DIP2A: variants seen among roughly 807,000 people sequenced by gnomAD.
The protein encoded by DIP2A is DIP2 acetate--CoA ligase A, also known as disco-interacting protein 2 homolog A.
In DIP2A, 85 loss-of-function variants were observed where a neutral mutation model predicts 177.4. The ratio of observed to expected loss-of-function variants is 0.48; its 90% CI spans 0.40 to 0.57. The LOEUF (loss-of-function observed/expected upper bound fraction) is 0.57. Among genes scored for constraint, DIP2A ranks in the 20% least tolerant of loss-of-function variants. The probability of loss-of-function intolerance (pLI) is 0.00; values close to 1 mark genes in which losing one functional copy is unlikely to be tolerated. For synonymous variants in DIP2A, 886 were observed against 881.8 expected (o/e 1.00, Z -0.08); for missense variants, 1,791 against 2,100.2 (o/e 0.85, Z 2.88).
chr21:46,515,113 G>T (rs998867084), intron 8 of DIP2A, among the ~76,000 whole-genome samples: 1 of 152,190 alleles, frequency 6.6e-6, no homozygotes, highest in African/African-American at 2.4e-5. Flanking sequence ...TAAGAAAGGA[G>T]CCCATTGCCA....
At chr21:46,461,904 A>AG (rs1365404140) in intron 1 of DIP2A, among the ~76,000 whole-genome samples, 3 of 151,598 alleles carry the variant, frequency 2.0e-5, no homozygotes, top group Admixed American at 6.6e-5. Context: ...TTCCAAAAAA[A>AG]AAAAAAAATT....
chr21:46,555,486 G>T (rs1273579176), intron 28 of DIP2A: 1 of 196,310 alleles, frequency 5.1e-6, no homozygotes, highest in African/African-American at 2.4e-5. Context: ...TCACGGGCTT[G>T]CCTCAAGGGG....
chr21:46,541,722 C>A lies in DIP2A; in HGVS notation c.2037-34C>A, dbSNP rs775520976. ...CACCTCCCTGGAATTTCATCCCCCT[C>A]GTCAGTTAAACCCATGGTGGTTTTA... On this transcript the variant is annotated intron_variant, in intron 17 of 37. Coordinates refer to ENST00000417564, the MANE Select transcript of DIP2A (RefSeq NM_015151.4). The A allele has an allele frequency of 6.2e-6, 10 of 1,612,920 alleles. No individual in the cohort carries two copies. In the South Asian group the frequency reaches 9.9e-5, roughly 16 times the overall value.
At chr21:46,503,599 CCTTCCTTCCTTCCTTTCTTT>C (rs1345368623) in intron 5 of DIP2A, among the ~76,000 whole-genome samples, 304 of 121,282 alleles carry the variant, frequency 2.5e-3, no homozygotes, top group Non-Finnish European at 3.6e-3. Flanking sequence ...TTCCTTCCTT[CCTTCCTTCCTTCCTTTCTTT>C]CTTTCTTTCT....
chr21:46,467,539 T>C (rs940669092), intron 1 of DIP2A, among the ~76,000 whole-genome samples: 11 of 152,282 alleles, frequency 7.2e-5, no homozygotes, highest in African/African-American at 2.6e-4. Context: ...TCATCATCTA[T>C]TTCTTTATAT....
intron 1 of DIP2A, among the ~76,000 whole-genome samples, chr21:46,468,627 C>T (rs1265445916): frequency 6.6e-6 from 1 of 152,044 alleles, no homozygotes; most frequent in African/African-American, 2.4e-5. Context: ...TGCTGTACAG[C>T]ATAGTGCATA....
At chr21:46,466,939 A>G (rs1243726990) in intron 1 of DIP2A, among the ~76,000 whole-genome samples, 3 of 152,142 alleles carry the variant, frequency 2.0e-5, no homozygotes, top group Admixed American at 2.0e-4. Context: ...GTTTTCAGAA[A>G]TCTTTTATTT....
Position 46,556,095 on chromosome 21 carries a change from G to A in DIP2A, c.3498+4G>A. 6.2e-7 allele frequency: 1 copy of A among 1,611,456 alleles called. No homozygotes were observed. Among genetic ancestry groups the A allele is most frequent in the Non-Finnish European group, 8.5e-7 (1 of 1,177,596 alleles). On this transcript the variant is annotated splice_donor_region_variant and intron_variant, in intron 29 of 37. Transcript: ENST00000417564. This position sits in a 1 kb window ranked among gnomAD's most constrained non-coding sequence, Gnocchi z 4.5. ...TGGGATATTAGCGGGAGTGAAGGTA[G>A]GTCCTCTGAAATCTTGTTTGCTTCA...
At chr21:46,540,023 A>G (rs778562278) in intron 17 of DIP2A, 32 bp downstream of exon 17, 1 of 1,555,820 alleles carries the variant, frequency 6.4e-7, no homozygotes, top group East Asian at 2.2e-5. Context: ...TCTCATGAGC[A>G]CTTAGTTGAA....
At chr21:46,523,833 C>A (rs974174045) in intron 8 of DIP2A, among the ~76,000 whole-genome samples, 1 of 152,250 alleles carries the variant, frequency 6.6e-6, no homozygotes, top group African/African-American at 2.4e-5. Context: ...TACAAGTCAA[C>A]TCCCAAGGAC....
chr21:46,532,199 C>G lies in DIP2A; in HGVS notation c.1267C>G (p.Leu423Val), dbSNP rs2059382966. The change falls in exon 10 of 38, where the codon CTG (leucine) becomes GTG (valine). Residue 423 changes from leucine to valine, a missense_variant. Coordinates refer to ENST00000417564, the MANE Select transcript of DIP2A (RefSeq NM_015151.4). ...VAFYGCLLAE[L>V]VPVPIEVPLT... ...ATTTTATGGGTGTCTCCTGGCAGAGCTGGTTCCTGTCCCCATAGAAGTGCC... is the reference window on the plus strand; with the variant it reads ...ATTTTATGGGTGTCTCCTGGCAGAGGTGGTTCCTGTCCCCATAGAAGTGCC... The G allele has an allele frequency of 6.2e-7, 1 of 1,613,810 alleles. No individual in the cohort carries two copies.
At chr21:46,581,563 T>C in the DIP2A span, among the ~76,000 whole-genome samples, 1 of 151,864 alleles carries the variant, frequency 6.6e-6, no homozygotes, top group Non-Finnish European at 1.5e-5. Context: ...TTTGCATTGA[T>C]TTTTTTCTCA....
At chr21:46,539,609 C>A in intron 16 of DIP2A, 1 of 470,712 alleles carries the variant, frequency 2.1e-6, no homozygotes, top group South Asian at 2.0e-5. Flanking sequence ...TGTCTCCCAC[C>A]ACATGCAGCA....
rs762913013 is a variant in DIP2A, at chr21:46,545,140, A to G, written c.2180A>G (p.Asn727Ser). 1.3e-6 allele frequency: 2 copies of G among 1,578,650 alleles called. No homozygotes were observed. Among genetic ancestry groups the G allele is most frequent in the African/African-American group, 2.7e-5 (2 of 73,904 alleles). The change falls in exon 19 of 38, where the codon AAT becomes AGT. Residue 727 changes from asparagine to serine, a missense_variant. Asn to Ser is a conservative substitution (Grantham distance 46, BLOSUM62 1). Transcript: ENST00000417564. The part of the protein sequence containing the change: ...QDVGQVMPGA[N>S]VCVVKLEGTP... ...TGAGTTTTTTTTCTCATTTTAGCTA[A>G]TGTATGTGTTGTGAAGTTAGAAGGT... is the stretch of plus-strand genomic sequence containing the variant.
chr21:46,520,621 T>C (rs1327514976), intron 8 of DIP2A, among the ~76,000 whole-genome samples: 1 of 152,240 alleles, frequency 6.6e-6, no homozygotes, highest in Non-Finnish European at 1.5e-5. Context: ...CAATTTTGTA[T>C]GGATGACAGA....
chr21:46,560,153 C>A (rs1014233444), intron 32 of DIP2A, among the ~76,000 whole-genome samples: 3 of 152,176 alleles, frequency 2.0e-5, no homozygotes, highest in Admixed American at 6.5e-5. Flanking sequence ...TGTCTGGGAT[C>A]TTTAAGGGTG....
At chr21:46,560,886 A>G in intron 33 of DIP2A, 103 bp downstream of exon 33, 1 of 1,513,580 alleles carries the variant, frequency 6.6e-7, no homozygotes, top group Middle Eastern at 1.7e-4. Context: ...GCATTAGAGG[A>G]CGGCGGGGCC....
At chr21:46,510,020 G>A (rs528642589) in intron 7 of DIP2A, among the ~76,000 whole-genome samples, 79 of 152,270 alleles carry the variant, frequency 5.2e-4, no homozygotes, top group African/African-American at 1.9e-3. Context: ...TATTAGTCAG[G>A]GTTCTCTAGA....
intron 8 of DIP2A, among the ~76,000 whole-genome samples, chr21:46,522,664 A>G (rs1044422450): frequency 6.6e-6 from 1 of 152,154 alleles, no homozygotes; most frequent in African/African-American, 2.4e-5. Flanking sequence ...TTTCCTCCCT[A>G]GTTATTACAC....
Sources: gnomAD v4.1 joint callset for allele counts (sites outside exome capture counted in the v4.1 genomes callset) on GRCh38, gnomAD v4.1.1 for gene constraint, Gnocchi (gnomAD v3.1) non-coding constraint, MANE v1.5 for transcripts, NCBI Gene and HGNC (gene_info 2026-07-23, HGNC 2026-07-21) for gene names.